The following ALCAM variants were observed in gnomAD, a reference collection of about 807,000 sequenced individuals.
ALCAM encodes CD166 antigen.
Under a neutral mutation model 70.9 loss-of-function variants are expected in ALCAM, and 30 were observed. The observed-to-expected ratio is 0.42, with a 90% CI of 0.32 to 0.57. The LOEUF is 0.57. Among genes scored for constraint, ALCAM ranks in the 20% least tolerant of loss-of-function variants. The pLI is 0.11. For missense variants in ALCAM, 591 were observed against 695.1 expected (o/e 0.85, Z 1.68); for synonymous variants, 249 against 242.5 (o/e 1.03, Z -0.25).
At chr3:105,544,743 A>T (rs1940202516) in intron 8 of ALCAM, 1 of 164,164 alleles carries the variant, frequency 6.1e-6, no homozygotes, top group South Asian at 1.6e-4. Context: ...TTTTAAAAAT[A>T]TCTGCTGCTA....
intron 1 of ALCAM, among the ~76,000 whole-genome samples, chr3:105,401,654 C>T (rs1936091992): frequency 1.3e-5 from 2 of 152,138 alleles, no homozygotes; most frequent in African/African-American, 4.8e-5. Flanking sequence ...ATCATTCTGA[C>T]TCTTTTAGAA....
intron 6 of ALCAM, among the ~76,000 whole-genome samples, chr3:105,539,366 G>T (rs900766769): frequency 6.6e-6 from 1 of 152,042 alleles, no homozygotes; most frequent in African/African-American, 2.4e-5. Flanking sequence ...AATGAAAGTT[G>T]CATCTTGGCT....
intron 11 of ALCAM, among the ~76,000 whole-genome samples, chr3:105,548,345 C>T (rs1431119028): frequency 6.6e-6 from 1 of 151,262 alleles, no homozygotes; most frequent in African/African-American, 2.4e-5. Flanking sequence ...TTCGTGTCTC[C>T]CTCTTCTCAG....
chr3:105,534,527 C>T (rs1464089561), intron 5 of ALCAM, 136 bp from the exon 6 acceptor site: 17 of 780,776 alleles, frequency 2.2e-5, no homozygotes, highest in Non-Finnish European at 3.6e-5. Flanking sequence ...TCTAACCTCA[C>T]TACATGTCAA....
intron 1 of ALCAM, among the ~76,000 whole-genome samples, chr3:105,383,170 A>G (rs1169943085): frequency 6.6e-6 from 1 of 151,692 alleles, no homozygotes; most frequent in Non-Finnish European, 1.5e-5. Context: ...ACCTCCAGAA[A>G]TTCTTCCCTG....
chr3:105,574,160 C>T (rs1940914984), intron 15 of ALCAM, among the ~76,000 whole-genome samples: 1 of 151,782 alleles, frequency 6.6e-6, no homozygotes, highest in Non-Finnish European at 1.5e-5. Flanking sequence ...GAAGACAAAT[C>T]CCACGAAATA....
intron 1 of ALCAM, among the ~76,000 whole-genome samples, chr3:105,404,876 A>G (rs980945173): frequency 1.3e-5 from 2 of 152,104 alleles, no homozygotes; most frequent in African/African-American, 4.8e-5. Context: ...ACATAAACTT[A>G]TGATAAAGGT....
intron 1 of ALCAM, among the ~76,000 whole-genome samples, chr3:105,490,779 CTG>C (rs548172365): frequency 1.3e-5 from 2 of 152,198 alleles, no homozygotes; most frequent in Non-Finnish European, 2.9e-5. Flanking sequence ...AACCCTTCCC[CTG>C]TGGCTTTGCA....
intron 14 of ALCAM, among the ~76,000 whole-genome samples, chr3:105,563,483 A>T (rs1034950368): frequency 1.3e-5 from 2 of 150,860 alleles, no homozygotes; most frequent in African/African-American, 4.9e-5. Flanking sequence ...AAAAATTTTG[A>T]TTCTTAGTAT....
chr3:105,402,322 T>G (rs1321942554), intron 1 of ALCAM, among the ~76,000 whole-genome samples: 1 of 151,956 alleles, frequency 6.6e-6, no homozygotes, highest in Non-Finnish European at 1.5e-5. Context: ...GTGTGGAGAT[T>G]CATTGTGAAC....
rs1256552075 is a variant in ALCAM, at chr3:105,406,755, G to GA, written c.73+39285dup. Among the ~76,000 whole-genome samples the GA allele has an allele frequency of 6.1e-3, 866 of 140,948 alleles. 4 individuals carry two copies. Among genetic ancestry groups the GA allele is most frequent in the Non-Finnish European group, 9.3e-3 (596 of 64,016 alleles). The allele number at this position is 140,948 out of a possible 152,430, so 92.5% of individuals were successfully genotyped here. On this transcript the variant is annotated intron_variant, in intron 1 of 15. Transcript: ENST00000306107. Reference sequence around the variant, plus strand: ...AACAAAAAACAATAAAAAGATAAATGAAAAAAAAAAACTGGTTCTTTGAAA... The same window carrying GA: ...AACAAAAAACAATAAAAAGATAAATGAAAAAAAAAAAACTGGTTCTTTGAAA...
At chr3:105,425,701 T>C (rs1444571300) in intron 1 of ALCAM, among the ~76,000 whole-genome samples, 3 of 151,744 alleles carry the variant, frequency 2.0e-5, no homozygotes, top group Non-Finnish European at 4.4e-5. Flanking sequence ...GTCACTAATA[T>C]GTATGTAGCA....
chr3:105,507,642 A>G (rs1437071180), intron 1 of ALCAM, among the ~76,000 whole-genome samples: 7 of 151,728 alleles, frequency 4.6e-5, no homozygotes, highest in Non-Finnish European at 1.0e-4. Context: ...CATTGTCTGG[A>G]TTACCACAAT....
intron 1 of ALCAM, among the ~76,000 whole-genome samples, chr3:105,411,093 A>C (rs1936378200): frequency 6.6e-6 from 1 of 152,066 alleles, no homozygotes; most frequent in African/African-American, 2.4e-5. Flanking sequence ...GAAAAACATT[A>C]ATGCAGCTCT....
At chr3:105,485,763 GT>G (rs1238413854) in intron 1 of ALCAM, among the ~76,000 whole-genome samples, 3 of 151,936 alleles carry the variant, frequency 2.0e-5, no homozygotes, top group Non-Finnish European at 4.4e-5. Flanking sequence ...TTTCTGCCTA[GT>G]ATTTGATTTA....
intron 1 of ALCAM, among the ~76,000 whole-genome samples, chr3:105,415,303 T>G (rs1296526756): frequency 6.6e-6 from 1 of 152,140 alleles, no homozygotes; most frequent in Non-Finnish European, 1.5e-5. Context: ...GTATGGAACA[T>G]ATGGTTTTCC....
At chr3:105,378,490 A>C (rs1356589792) in intron 1 of ALCAM, among the ~76,000 whole-genome samples, 3 of 151,898 alleles carry the variant, frequency 2.0e-5, no homozygotes, top group Non-Finnish European at 4.4e-5. Context: ...ATTTTTGCAG[A>C]GATGGTCATG....
chr3:105,523,351 T>C (rs766745969), intron 2 of ALCAM, among the ~76,000 whole-genome samples: 2 of 152,194 alleles, frequency 1.3e-5, no homozygotes, highest in Non-Finnish European at 2.9e-5. Context: ...ATATTGTTGA[T>C]GTATTCAGAT....
intron 1 of ALCAM, among the ~76,000 whole-genome samples, chr3:105,488,804 G>A (rs979010011): frequency 2.6e-5 from 4 of 152,092 alleles, no homozygotes; most frequent in Non-Finnish European, 4.4e-5. Flanking sequence ...ATAGAGTACA[G>A]GATGTTAATG....
Sources: gnomAD v4.1 joint callset for allele counts (sites outside exome capture counted in the v4.1 genomes callset) on GRCh38, gnomAD v4.1.1 for gene constraint, MANE v1.5 for transcripts, NCBI Gene and HGNC (gene_info 2026-07-23, HGNC 2026-07-21) for gene names.